Variants in TAFA2 observed in about 807,000 individuals in gnomAD.
The protein encoded by TAFA2 is chemokine-like protein TAFA-2.
Under a neutral mutation model 18.8 loss-of-function variants are expected in TAFA2, and 7 were observed. That is an observed-to-expected ratio of 0.37 (90% CI 0.21 to 0.70). The LOEUF (loss-of-function observed/expected upper bound fraction) is 0.70. Among genes scored for constraint, TAFA2 ranks in the 30% least tolerant of loss-of-function variants. The probability of loss-of-function intolerance (pLI) is 0.53; values close to 1 mark genes in which losing one functional copy is unlikely to be tolerated. For synonymous variants in TAFA2, 60 were observed against 54.2 expected, an observed-to-expected ratio of 1.11 and a Z score of -0.47; for missense variants, 122 against 158.1, an observed-to-expected ratio of 0.77 and a Z score of 1.23.
At chr12:61,975,513 T>TTGTGTGTGTGTGTGTGTGTGTGTGTGTG in intron 1 of TAFA2, among the ~76,000 whole-genome samples, 1 of 15,300 alleles carries the variant, frequency 6.5e-5, no homozygotes, top group East Asian at 2.6e-3. Context: ...TCAATAATAT[T>TTGTGTGTGTGTGTGTGTGTGTGTGTGTG]CGTGTGTGTG....
chr12:61,927,358 A>G (rs1469744365), intron 1 of TAFA2, among the ~76,000 whole-genome samples: 2 of 152,300 alleles, frequency 1.3e-5, no homozygotes, highest in South Asian at 4.1e-4. Context: ...CAGCATTCCT[A>G]TACAGCAATA....
intron 1 of TAFA2, among the ~76,000 whole-genome samples, chr12:61,902,674 C>T (rs1165848816): frequency 2.0e-5 from 3 of 152,140 alleles, no homozygotes; most frequent in Non-Finnish European, 2.9e-5. Context: ...GATCTCATGT[C>T]TTTAATACAA....
At chr12:61,751,092 G>A (rs11174154) in intron 4 of TAFA2, among the ~76,000 whole-genome samples, 75,690 of 151,820 alleles carry the variant, frequency 0.5, 19,102 homozygotes, top group African/African-American at 0.57. Flanking sequence ...TCTTCTATCT[G>A]CCTCTATTCA....
At chr12:61,833,395 C>T (rs7977950) in intron 2 of TAFA2, among the ~76,000 whole-genome samples, 133,658 of 151,808 alleles carry the variant, frequency 0.88, 58,983 homozygotes, top group African/African-American at 0.95. Context: ...CCCAAGATCA[C>T]TTATAGAGTA....
At chr12:62,055,007 AAATTCT>A (rs752648607) in intron 1 of TAFA2, among the ~76,000 whole-genome samples, 12 of 152,216 alleles carry the variant, frequency 7.9e-5, no homozygotes, top group Non-Finnish European at 1.3e-4. Context: ...TTCATGTGTT[AAATTCT>A]AATGGTCAAT....
intron 1 of TAFA2, among the ~76,000 whole-genome samples, chr12:61,912,231 A>T (rs1876639411): frequency 6.6e-6 from 1 of 152,174 alleles, no homozygotes; most frequent in African/African-American, 2.4e-5. Flanking sequence ...TATCTATAAC[A>T]TGCTATTTAT....
chr12:61,782,255 G>A (rs1162758333), intron 2 of TAFA2, among the ~76,000 whole-genome samples: 1 of 151,530 alleles, frequency 6.6e-6, no homozygotes, highest in Non-Finnish European at 1.5e-5. Context: ...GCCTCCCTTT[G>A]GAATTACTGA....
intron 1 of TAFA2, among the ~76,000 whole-genome samples, chr12:61,986,444 A>G (rs1426485082): frequency 6.6e-6 from 1 of 151,540 alleles, no homozygotes; most frequent in East Asian, 1.9e-4. Flanking sequence ...TATTATAGGC[A>G]TGCACCACCA....
At chr12:62,195,916 G>A (rs1184605356), upstream of TAFA2, among the ~76,000 whole-genome samples, 2 of 152,118 alleles carry the variant, frequency 1.3e-5, no homozygotes, top group African/African-American at 4.8e-5. Flanking sequence ...CTCTCTAGCT[G>A]GGAAAGTCCC....
At chr12:61,924,361 G>A (rs916522285) in intron 1 of TAFA2, among the ~76,000 whole-genome samples, 3 of 152,206 alleles carry the variant, frequency 2.0e-5, no homozygotes, top group African/African-American at 7.2e-5. Context: ...TACCCACAAA[G>A]GGAAGCCCAT....
chr12:61,773,928 G>A (rs984129550), intron 2 of TAFA2, among the ~76,000 whole-genome samples: 6 of 151,964 alleles, frequency 3.9e-5, no homozygotes, highest in Non-Finnish European at 7.4e-5. Flanking sequence ...CCACAGAGTG[G>A]GAGAAAATAT....
intron 1 of TAFA2, among the ~76,000 whole-genome samples, chr12:62,049,238 C>T (rs947881198): frequency 6.6e-6 from 1 of 152,112 alleles, no homozygotes; most frequent in African/African-American, 2.4e-5. Flanking sequence ...TCTAAATGAA[C>T]ATTGAATAAA....
intron 1 of TAFA2, among the ~76,000 whole-genome samples, chr12:62,215,746 C>CA (rs200803405): frequency 0.015 from 1,111 of 72,498 alleles, 24 homozygotes; most frequent in African/African-American, 0.041. Context: ...ACTTGTTTCT[C>CA]AAAAAAAAAA....
At chr12:61,865,332 A>G (rs1290447799) in intron 2 of TAFA2, among the ~76,000 whole-genome samples, 1 of 152,194 alleles carries the variant, frequency 6.6e-6, no homozygotes, top group African/African-American at 2.4e-5. Flanking sequence ...TACAACTTAC[A>G]TATACACAAC....
intron 1 of TAFA2, among the ~76,000 whole-genome samples, chr12:61,885,638 A>G (rs1875342293): frequency 6.6e-6 from 1 of 152,228 alleles, no homozygotes; most frequent in African/African-American, 2.4e-5. Context: ...TTCTGTGTGA[A>G]GAATGAAAAC....
At chr12:62,078,460 C>G (rs560343279) in intron 1 of TAFA2, among the ~76,000 whole-genome samples, 1 of 147,550 alleles carries the variant, frequency 6.8e-6, no homozygotes, top group East Asian at 2.0e-4. Flanking sequence ...CAGCTAAAGA[C>G]AAGTTGGACT....
chr12:61,776,917 G>T (rs1334199151), intron 2 of TAFA2, among the ~76,000 whole-genome samples: 2 of 151,700 alleles, frequency 1.3e-5, no homozygotes, highest in African/African-American at 4.8e-5. Flanking sequence ...AGAAGCATTT[G>T]GTCCTGGAGT....
intron 4 of TAFA2, among the ~76,000 whole-genome samples, chr12:61,748,588 A>C (rs1868849224): frequency 6.6e-6 from 1 of 152,078 alleles, no homozygotes; most frequent in Admixed American, 6.6e-5. Context: ...GCACCCCTGG[A>C]CACTGTTTAG....
chr12:62,167,126 T>C (rs1806223672), intron 1 of TAFA2, among the ~76,000 whole-genome samples: 1 of 152,094 alleles, frequency 6.6e-6, no homozygotes, highest in Non-Finnish European at 1.5e-5. Context: ...TCTAAGGTAT[T>C]GGACATAAAT....
Sources: allele counts gnomAD v4.1 joint callset (sites outside exome capture counted in the v4.1 genomes callset), GRCh38; gene constraint gnomAD v4.1.1; transcripts MANE v1.5; gene names NCBI Gene and HGNC (gene_info 2026-07-23, HGNC 2026-07-21).